The following ENPP2 variants were observed in gnomAD, a reference collection of about 807,000 sequenced individuals.
ENPP2 encodes autotaxin.
Under a neutral mutation model 120.2 loss-of-function variants are expected in ENPP2, and 51 were observed. The observed-to-expected ratio is 0.42, with a 90% CI of 0.34 to 0.54. The LOEUF (loss-of-function observed/expected upper bound fraction) is 0.54. Ranked by LOEUF, ENPP2 falls within the 20% of genes least tolerant of loss-of-function variation. ENPP2 has a pLI of 0.04. For synonymous variants in ENPP2, 365 were observed against 366.4 expected, an observed-to-expected ratio of 1.00 and a Z score of 0.04; for missense variants, 920 against 1,066.5, an observed-to-expected ratio of 0.86 and a Z score of 1.91.
intron 3 of ENPP2, among the ~76,000 whole-genome samples, chr8:119,622,260 G>A (rs1815959987): frequency 6.6e-6 from 1 of 152,142 alleles, no homozygotes; most frequent in Non-Finnish European, 1.5e-5. Flanking sequence ...TAATCAGTGT[G>A]ATTCAAACAC....
intron 17 of ENPP2, among the ~76,000 whole-genome samples, chr8:119,582,910 G>T (rs1812849092): frequency 6.6e-6 from 1 of 152,202 alleles, no homozygotes; most frequent in African/African-American, 2.4e-5. Flanking sequence ...ATCTGCGATA[G>T]TTACAACCCA....
intron 19 of ENPP2, chr8:119,578,415 CAAATT>C (rs1812497299): frequency 6.6e-6 from 1 of 152,138 alleles, no homozygotes; most frequent in Admixed American, 6.5e-5. Context: ...CTGCCACCAA[CAAATT>C]AAATGCAGGA....
intron 3 of ENPP2, among the ~76,000 whole-genome samples, chr8:119,622,760 A>G (rs557751812): frequency 1.3e-5 from 2 of 152,284 alleles, no homozygotes; most frequent in South Asian, 4.2e-4. Context: ...GAGAACTTTC[A>G]TAGTTAACTC....
chr8:119,632,196 G>A (rs1816729673), intron 2 of ENPP2, among the ~76,000 whole-genome samples: 1 of 152,196 alleles, frequency 6.6e-6, no homozygotes. Context: ...CTTCAGATGT[G>A]TAACTTATTG....
intron 13 of ENPP2, among the ~76,000 whole-genome samples, chr8:119,590,303 A>G (rs1413275954): frequency 6.6e-6 from 1 of 152,240 alleles, no homozygotes; most frequent in Non-Finnish European, 1.5e-5. Context: ...TAATTTCTAC[A>G]GGTAGCTGCT....
chr8:119,620,843 C>T (rs1197766464), intron 4 of ENPP2, among the ~76,000 whole-genome samples: 1 of 152,176 alleles, frequency 6.6e-6, no homozygotes, highest in Non-Finnish European at 1.5e-5. Flanking sequence ...GCAAGTACCC[C>T]CATCCCTGGG....
chr8:119,614,193 G>A (rs1815307586), intron 8 of ENPP2, among the ~76,000 whole-genome samples: 1 of 151,046 alleles, frequency 6.6e-6, no homozygotes. Context: ...AGCCTCCCGA[G>A]TAGCTAGGAT....
At chr8:119,617,027 T>G in intron 7 of ENPP2, 137 bp downstream of exon 7, 1 of 636,726 alleles carries the variant, frequency 1.6e-6, no homozygotes, top group Non-Finnish European at 2.8e-6. Context: ...TGTGAACAAA[T>G]GACCCAGTTA....
chr8:119,582,497 C>A lies in ENPP2; in HGVS notation c.1649G>T (p.Arg550Ile), dbSNP rs1436932351. Residue 550 changes from arginine to isoleucine, a missense_variant, in exon 18 of 25, where the codon AGA (arginine) becomes ATA (isoleucine). By Grantham distance (97) the Arg-to-Ile change is moderately conservative. Transcript: ENST00000075322. ...FRPTMPEEVT[R>I]PNYPGIMYLQ... ...GTACATAATCCCTGGATAATTGGGT[C>A]TGGTAACTTCCTCTGGCATGGTTGG... is the stretch of plus-strand genomic sequence containing the variant. 2 of 1,614,102 alleles carry A rather than the reference C, an allele frequency of 1.2e-6. No individual in the cohort carries two copies. Among genetic ancestry groups the A allele is most frequent in the Admixed American group, 1.7e-5 (1 of 60,026 alleles).
At chr8:119,637,974 A>T (rs1817107236) in intron 2 of ENPP2, among the ~76,000 whole-genome samples, 1 of 152,170 alleles carries the variant, frequency 6.6e-6, no homozygotes, top group Non-Finnish European at 1.5e-5. Flanking sequence ...TAAAGTCCTA[A>T]ATTTCTGAAG....
intron 3 of ENPP2, among the ~76,000 whole-genome samples, chr8:119,622,019 C>A (rs1441293202): frequency 6.6e-6 from 1 of 152,150 alleles, no homozygotes; most frequent in Non-Finnish European, 1.5e-5. Context: ...ACCTCCGCCT[C>A]CCTGGTTCAA....
chr8:119,673,148 C>A, intron 1 of ENPP2: 1 of 1,023,130 alleles, frequency 9.8e-7, no homozygotes, highest in East Asian at 2.6e-5. Flanking sequence ...TGCTTTCCGG[C>A]AAACCTGGAG....
chr8:119,559,078 T>C (rs1041020805), intron 24 of ENPP2, among the ~76,000 whole-genome samples: 11 of 152,184 alleles, frequency 7.2e-5, no homozygotes, highest in African/African-American at 2.7e-4. Context: ...GTAAGAATTT[T>C]AACCTTCATG....
At chr8:119,645,380 G>A (rs148200837) in intron 1 of ENPP2, among the ~76,000 whole-genome samples, 26 of 152,206 alleles carry the variant, frequency 1.7e-4, no homozygotes, top group African/African-American at 6.3e-4. Context: ...TTCCTCTCTT[G>A]TTTCTTGCCA....
chr8:119,616,364 A>G lies in ENPP2; in HGVS notation c.678T>C (p.His226=), dbSNP rs1201543838. 2.4e-5 allele frequency: 39 copies of G among 1,606,314 alleles called. No homozygotes were observed. Among genetic ancestry groups the G allele is most frequent in the Middle Eastern group, 1.7e-4 (1 of 6,058 alleles). ...CATACATTGAATTGCCAACAATTCC[A>G]TGTGATTCTGGATATAGCCCCTTTT... ...TLATGLYPES[H]GIVGNSMYDP... The change falls in exon 8 of 25, where the codon CAT becomes CAC. Residue 226 remains histidine, a synonymous_variant. Coordinates refer to ENST00000075322, the MANE Select transcript of ENPP2 (RefSeq NM_001040092.3).
chr8:119,591,330 T>C (rs1813491160), intron 12 of ENPP2, among the ~76,000 whole-genome samples: 1 of 152,250 alleles, frequency 6.6e-6, no homozygotes, highest in Non-Finnish European at 1.5e-5. Context: ...AAGAAGGTTC[T>C]AGGTAGGGAA....
In ENPP2 at chr8:119,565,442, C is replaced by A. The variant is rs193095675; in HGVS notation, c.2132-487G>T. On this transcript the variant is annotated intron_variant, in intron 22 of 24. Coordinates refer to ENST00000075322, the MANE Select transcript of ENPP2 (RefSeq NM_001040092.3). ...TCCAGACATGTTATCCAACCACCTA[C>A]CTCCTAATGCACTGGAATACCTAAT... Among the ~76,000 whole-genome samples, 126 of 152,312 alleles carry A rather than the reference C, an allele frequency of 8.3e-4. 3 individuals are homozygous for A. Among genetic ancestry groups the A allele is most frequent in the Non-Finnish European group, 7.3e-5 (5 of 68,028 alleles).
At chr8:119,658,039 G>A (rs548803668) in intron 1 of ENPP2, among the ~76,000 whole-genome samples, 14 of 152,316 alleles carry the variant, frequency 9.2e-5, no homozygotes, top group African/African-American at 3.1e-4. Context: ...ACACAATACA[G>A]TTACATATAG....
chr8:119,661,534 G>A (rs1817920670), intron 1 of ENPP2, among the ~76,000 whole-genome samples: 1 of 152,142 alleles, frequency 6.6e-6, no homozygotes, highest in African/African-American at 2.4e-5. Flanking sequence ...GTTGGCAAGG[G>A]TGTGGAGAAA....
Sources: gnomAD v4.1 joint callset for allele counts (sites outside exome capture counted in the v4.1 genomes callset) on GRCh38, gnomAD v4.1.1 for gene constraint, MANE v1.5 for transcripts, NCBI Gene and HGNC (gene_info 2026-07-23, HGNC 2026-07-21) for gene names.